MITD1: variants seen among roughly 807,000 people sequenced by gnomAD.
MITD1 encodes the protein microtubule interacting and trafficking domain containing 1.
MITD1 carries 24 observed loss-of-function variants against 34.9 expected under a neutral mutation model. The observed-to-expected ratio is 0.69, with a 90% CI of 0.50 to 0.97. The LOEUF (loss-of-function observed/expected upper bound fraction) is 0.97, where lower values mean the gene tolerates loss of function less well. Among genes scored for constraint, MITD1 ranks in the 50% least tolerant of loss-of-function variants. The pLI is 0.00. For missense variants in MITD1, 266 were observed against 294.6 expected, an observed-to-expected ratio of 0.90 and a Z score of 0.71; for synonymous variants, 102 against 101.4, an observed-to-expected ratio of 1.01 and a Z score of -0.04.
intron 4 of MITD1, chr2:99,170,907 A>G (rs1221871513): frequency 3.5e-6 from 1 of 287,104 alleles, no homozygotes; most frequent in African/African-American, 2.2e-5. Flanking sequence ...AGTTTTAATC[A>G]TCCAGGTGGA....
intron 7 of MITD1, chr2:99,163,044 A>G: frequency 6.4e-7 from 1 of 1,571,602 alleles, no homozygotes; most frequent in Non-Finnish European, 8.6e-7. Flanking sequence ...CAGTAAATGG[A>G]ATATTCTCTG....
chr2:99,167,974 C>T (rs909083907), downstream of MITD1, among the ~76,000 whole-genome samples: 2 of 152,182 alleles, frequency 1.3e-5, no homozygotes, highest in Non-Finnish European at 2.9e-5. Context: ...TGCCCAAGAC[C>T]ACTCTGTCCA....
Position 99,169,347 on chromosome 2 carries a change from G to T in MITD1, c.*28C>A. The T allele has an allele frequency of 8.9e-7, 1 of 1,120,020 alleles. No homozygotes were observed. The highest frequency in any genetic ancestry group is 1.3e-6 in the Non-Finnish European group (1 of 757,476). 69.4% of individuals were successfully genotyped at this position (1,120,020 alleles called of 1,614,324 possible). ...AAAAATCCAATATTCACTTAAAGTA[G>T]ACATAATACAAATTAGGCTACCACC... On this transcript the variant is annotated 3_prime_UTR_variant, in exon 7 of 7. Coordinates refer to ENST00000289359, the MANE Select transcript of MITD1 (RefSeq NM_138798.3).
intron 2 of MITD1, 96 bp downstream of exon 2, chr2:99,173,819 G>A: frequency 1.3e-6 from 1 of 773,980 alleles, no homozygotes; most frequent in Non-Finnish European, 2.3e-6. Flanking sequence ...AACTGGTCCA[G>A]ACCACACAGA....
rs1300778549 is a variant in MITD1, at chr2:99,169,910, G to A, written c.594-300C>T. Among the ~76,000 whole-genome samples the A allele has an allele frequency of 2.0e-5, 3 of 152,224 alleles. No individual in the cohort carries two copies. The East Asian group carries it at 5.8e-4, about 29-fold the overall frequency. On this transcript the variant is annotated intron_variant, in intron 5 of 6. Transcript: ENST00000289359. ...AAGTGTATTCAGGGAAACTGGTGGT[G>A]TTTCAAGAGTTCCCCTACCTAGAGA... is the stretch of plus-strand genomic sequence containing the variant.
At chr2:99,168,913 A>G (rs934948161), downstream of MITD1, among the ~76,000 whole-genome samples, 24 of 140,572 alleles carry the variant, frequency 1.7e-4, no homozygotes, top group African/African-American at 2.6e-4. Flanking sequence ...CCAAGTAGCT[A>G]GGACTATAGG....
At chr2:99,163,574 G>A (rs556312564) in intron 7 of MITD1, among the ~76,000 whole-genome samples, 7 of 152,032 alleles carry the variant, frequency 4.6e-5, no homozygotes, top group African/African-American at 7.2e-5. Context: ...GTGATCCGCC[G>A]ACCTCAGCCT....
chr2:99,162,182 T>G, exon 8 of MITD1: 1 of 1,614,084 alleles, frequency 6.2e-7, no homozygotes, highest in South Asian at 1.1e-5. Flanking sequence ...TTGTAATTGG[T>G]AGGCATCAAA....
chr2:99,179,408 T>A (rs570512615), intron 1 of MITD1, among the ~76,000 whole-genome samples: 6 of 152,120 alleles, frequency 3.9e-5, no homozygotes, highest in Admixed American at 6.6e-5. Flanking sequence ...CAACTCCTAC[T>A]TGATAGGGCA....
In MITD1 at chr2:99,181,032, T is replaced by A. The variant is rs2105237222; in HGVS notation, c.-51A>T. The stretch of plus-strand genomic sequence containing the variant: ...AACCCAGGATGAAGTTGAGCGGGTC[T>A]GCTGCGCTTCCGGGAAGTGGTCATG... On this transcript the variant is annotated 5_prime_UTR_variant, in exon 1 of 7. It introduces an in-frame stop codon into an upstream open reading frame of the 5' UTR. Coordinates refer to ENST00000289359, the MANE Select transcript of MITD1 (RefSeq NM_138798.3). The A allele has an allele frequency of 1.3e-6, 2 of 1,576,840 alleles. No homozygotes were observed. Among genetic ancestry groups the A allele is most frequent in the African/African-American group, 1.3e-5 (1 of 74,078 alleles).
chr2:99,163,757 G>A (rs777909583), intron 7 of MITD1, among the ~76,000 whole-genome samples: 1 of 152,098 alleles, frequency 6.6e-6, no homozygotes, highest in Non-Finnish European at 1.5e-5. Context: ...ATCTCTCGGA[G>A]ATATAACCCA....
At chr2:99,166,348 G>A (rs2964969), downstream of MITD1, among the ~76,000 whole-genome samples, 90,856 of 151,862 alleles carry the variant, frequency 0.6, 27,954 homozygotes, top group East Asian at 0.89. Flanking sequence ...AGGTCACATA[G>A]TACGAGAGTT....
intron 2 of MITD1, 35 bp from the exon 3 acceptor site, chr2:99,171,681 A>G: frequency 6.3e-7 from 1 of 1,579,028 alleles, no homozygotes; most frequent in Non-Finnish European, 8.6e-7. Flanking sequence ...AAAACCAGTG[A>G]CCATTTTTTT....
chr2:99,164,892 G>A (rs1441694775), downstream of MITD1, among the ~76,000 whole-genome samples: 3 of 151,686 alleles, frequency 2.0e-5, no homozygotes, highest in African/African-American at 7.3e-5. Context: ...TAAGGGCTTC[G>A]AGTTCCAAAT....
chr2:99,166,495 A>AAC (rs1428772066), downstream of MITD1, among the ~76,000 whole-genome samples: 6 of 151,318 alleles, frequency 4.0e-5, no homozygotes, highest in Non-Finnish European at 8.8e-5. Flanking sequence ...AGAAAAAAAA[A>AAC]AAAAAAAACA....
At chr2:99,165,098 C>T (rs1310302722), downstream of MITD1, among the ~76,000 whole-genome samples, 1 of 151,652 alleles carries the variant, frequency 6.6e-6, no homozygotes, top group Non-Finnish European at 1.5e-5. Flanking sequence ...GACAGAGTCT[C>T]ATTCTGTCAC....
chr2:99,163,312 A>C (rs1213605355), intron 7 of MITD1, among the ~76,000 whole-genome samples: 1 of 150,114 alleles, frequency 6.7e-6, no homozygotes, highest in East Asian at 2.0e-4. Context: ...TTCTTCCTTC[A>C]TTTATTTTAT....
At chr2:99,169,245 G>T, downstream of MITD1, 1 of 557,542 alleles carries the variant, frequency 1.8e-6, no homozygotes. Context: ...TCCCACAACT[G>T]AATGATGGAT....
At chr2:99,168,978 T>TC, downstream of MITD1, among the ~76,000 whole-genome samples, 1 of 103,064 alleles carries the variant, frequency 9.7e-6, no homozygotes, top group Non-Finnish European at 1.9e-5. Context: ...TTTTTTTTTT[T>TC]CTGATACAGG....
Sources: gnomAD v4.1 joint callset for allele counts (sites outside exome capture counted in the v4.1 genomes callset) on GRCh38, gnomAD v4.1.1 for gene constraint, MANE v1.5 for transcripts, NCBI Gene and HGNC (gene_info 2026-07-23, HGNC 2026-07-21) for gene names.